The following ANKRD44 variants were observed in gnomAD, a reference collection of about 807,000 sequenced individuals.
ANKRD44 encodes the protein ankyrin repeat domain 44.
A neutral mutation model predicts 116.0 loss-of-function variants in ANKRD44; 35 were observed. The ratio of observed to expected loss-of-function variants is 0.30; its 90% CI spans 0.23 to 0.40. The LOEUF is 0.40. ANKRD44 is among the 10% of genes least tolerant of loss of function. The pLI is 1.00. For missense variants in ANKRD44, 1,014 were observed against 1,242.6 expected (o/e 0.82, Z 2.77); for synonymous variants, 435 against 461.8 (o/e 0.94, Z 0.74).
chr2:197,186,173 A>G (rs2080653355), intron 2 of ANKRD44, among the ~76,000 whole-genome samples: 1 of 152,198 alleles, frequency 6.6e-6, no homozygotes, highest in Non-Finnish European at 1.5e-5. Flanking sequence ...GATGTACCAT[A>G]GGTTGCCAAC....
chr2:197,126,125 T>G, intron 4 of ANKRD44, 88 bp from the exon 5 acceptor site: 1 of 1,397,238 alleles, frequency 7.2e-7, no homozygotes, highest in Non-Finnish European at 1.0e-6. Flanking sequence ...ACCCTGGAAC[T>G]ATGGAGAGAA....
intron 1 of ANKRD44, among the ~76,000 whole-genome samples, chr2:197,308,152 G>GACAC (rs368196906): frequency 1.4e-5 from 2 of 143,852 alleles, no homozygotes; most frequent in Non-Finnish European, 1.5e-5. Context: ...GTGAGACCCT[G>GACAC]ACACACACAC....
rs2078959383 is a variant in ANKRD44 at position 197,125,707 on chromosome 2, T to C, written c.462+130A>G. 4.5e-6 allele frequency: 5 copies of C among 1,100,232 alleles called. No homozygotes were observed. The Admixed American group carries it at 6.4e-5, about 14-fold the overall frequency. 68.2% of individuals were successfully genotyped at this position (1,100,232 alleles called of 1,614,324 possible). A position where few individuals can be genotyped will look rare whatever the true frequency, so the allele number is the denominator to read the frequency against. On this transcript the variant is annotated intron_variant, in intron 5 of 27. Transcript: ENST00000282272. ...TGTGGCTCTAAAGTTGAGAATGATA[T>C]AGATGCTGAAGGTTTGGTGTACAAA...
intron 1 of ANKRD44, among the ~76,000 whole-genome samples, chr2:197,248,599 G>A (rs945715467): frequency 1.4e-5 from 2 of 145,318 alleles, no homozygotes; most frequent in Non-Finnish European, 3.0e-5. Flanking sequence ...TATAAAGAGA[G>A]AGATTGAGAG....
At chr2:196,979,259 T>C (rs1286127843) in intron 21 of ANKRD44, among the ~76,000 whole-genome samples, 1 of 151,702 alleles carries the variant, frequency 6.6e-6, no homozygotes, top group Non-Finnish European at 1.5e-5. Flanking sequence ...ATTAGCCACC[T>C]GTAGTCCCAG....
At chr2:197,031,708 G>A (rs143851343) in intron 16 of ANKRD44, among the ~76,000 whole-genome samples, 2 of 152,158 alleles carry the variant, frequency 1.3e-5, no homozygotes, top group Admixed American at 1.3e-4. Flanking sequence ...CCACCTAAAA[G>A]CATGTAATTT....
intron 3 of ANKRD44, among the ~76,000 whole-genome samples, chr2:197,140,519 C>T (rs995692295): frequency 6.6e-6 from 1 of 151,956 alleles, no homozygotes; most frequent in African/African-American, 2.4e-5. Flanking sequence ...TGGGGTCTTG[C>T]TATGTTTCTC....
chr2:197,160,218 T>C (rs973235129), intron 2 of ANKRD44, among the ~76,000 whole-genome samples: 2 of 152,150 alleles, frequency 1.3e-5, no homozygotes, highest in African/African-American at 2.4e-5. Flanking sequence ...TCTTTTTCAT[T>C]CTAAAATGAA....
chr2:197,081,725 A>G lies in ANKRD44; in HGVS notation c.1458T>C (p.Asn486=). ...CATGGGCATTTCCTAAGATAGTCTT[A>G]CTTCTCAGCATAAAGGATAGAAAAA... ...HYAAASDMDR[N]KTILGNAHDN... is the part of the protein sequence containing the mutation. The change falls in exon 15 of 28, where the codon AAT becomes AAC. Residue 486 remains asparagine (N), a splice_region_variant and synonymous_variant. Transcript: ENST00000282272. 6.2e-7 allele frequency: 1 copy of G among 1,612,510 alleles called. No homozygotes were observed. The highest frequency in any genetic ancestry group is 8.5e-7 in the Non-Finnish European group (1 of 1,178,860).
Position 197,067,004 on chromosome 2 carries a change from G to A in ANKRD44, c.1650+11699C>T, listed in dbSNP as rs1574389546. On this transcript the variant is annotated intron_variant, in intron 16 of 27. Coordinates refer to ENST00000282272, the MANE Select transcript of ANKRD44 (RefSeq NM_001195144.2). The stretch of plus-strand genomic sequence containing the variant: ...AATCCTAAGCCAAAAGAACAAAGCT[G>A]GAGGCATCATGCTACCTGACTTCAA... Among the ~76,000 whole-genome samples, 3 of 152,154 alleles carry A rather than the reference G, an allele frequency of 2.0e-5. No individual in the cohort carries two copies. In the East Asian group the frequency reaches 5.8e-4, roughly 29 times the overall value.
chr2:197,221,221 A>C (rs112603609), intron 1 of ANKRD44, among the ~76,000 whole-genome samples: 5,726 of 151,272 alleles, frequency 0.038, 138 homozygotes, highest in Middle Eastern at 0.055. Context: ...ACTGCACTCC[A>C]GCCTGGGTGA....
At chr2:197,066,693 G>GCTACAAA (rs2077440683) in intron 16 of ANKRD44, among the ~76,000 whole-genome samples, 2 of 149,974 alleles carry the variant, frequency 1.3e-5, no homozygotes, top group Admixed American at 6.7e-5. Flanking sequence ...ATTCACAATT[G>GCTACAAA]GAGAATAAAA....
chr2:197,019,480 T>C (rs1014812354), intron 17 of ANKRD44, among the ~76,000 whole-genome samples: 1 of 152,200 alleles, frequency 6.6e-6, no homozygotes, highest in African/African-American at 2.4e-5. Context: ...GCTCTGCTCC[T>C]GTTATTCCCA....
intron 21 of ANKRD44, among the ~76,000 whole-genome samples, chr2:196,970,866 T>C (rs1217067968): frequency 6.6e-6 from 1 of 152,050 alleles, no homozygotes; most frequent in Admixed American, 6.6e-5. Flanking sequence ...CACACCTGGC[T>C]AATTTTTTGT....
chr2:196,989,686 T>C, intron 27 of ANKRD44, 37 bp from the exon 28 acceptor site: 1 of 1,548,380 alleles, frequency 6.5e-7, no homozygotes, highest in Non-Finnish European at 8.7e-7. Context: ...TTCACTATGT[T>C]GATTTCATCA....
chr2:197,214,353 A>G (rs2081390976), intron 1 of ANKRD44, among the ~76,000 whole-genome samples: 1 of 152,228 alleles, frequency 6.6e-6, no homozygotes, highest in Non-Finnish European at 1.5e-5. Flanking sequence ...TTAAGTGACA[A>G]TTTAAAAAAA....
intron 2 of ANKRD44, among the ~76,000 whole-genome samples, chr2:197,186,366 T>C (rs570975093): frequency 1.2e-4 from 18 of 152,192 alleles, no homozygotes; most frequent in Non-Finnish European, 2.5e-4. Flanking sequence ...TATGTTCATA[T>C]AACATTAGAG....
At chr2:197,146,864 ACTT>A (rs1163999910) in intron 3 of ANKRD44, among the ~76,000 whole-genome samples, 160 bp downstream of exon 3, 1 of 152,190 alleles carries the variant, frequency 6.6e-6, no homozygotes, top group East Asian at 1.9e-4. Flanking sequence ...AATAAGAACA[ACTT>A]CTTGCATTTT....
At chr2:197,286,348 A>T (rs964843952) in intron 1 of ANKRD44, among the ~76,000 whole-genome samples, 1 of 151,086 alleles carries the variant, frequency 6.6e-6, no homozygotes, top group African/African-American at 2.4e-5. Flanking sequence ...GACAGAAAGA[A>T]TTTTTTACCT....
Sources: gnomAD v4.1 joint callset for allele counts (sites outside exome capture counted in the v4.1 genomes callset) on GRCh38, gnomAD v4.1.1 for gene constraint, MANE v1.5 for transcripts, NCBI Gene and HGNC (gene_info 2026-07-23, HGNC 2026-07-21) for gene names.